The following KANSL1 variants were observed in gnomAD, a reference collection of about 807,000 sequenced individuals.
KANSL1 encodes MLL1/MLL complex subunit KANSL1.
KANSL1 carries 22 observed loss-of-function variants against 103.6 expected under a neutral mutation model. The ratio of observed to expected loss-of-function variants is 0.21; its 90% CI spans 0.15 to 0.30. The LOEUF (loss-of-function observed/expected upper bound fraction) is 0.30. Ranked by LOEUF, KANSL1 falls within the 10% of genes least tolerant of loss-of-function variation. The probability of loss-of-function intolerance (pLI) is 1.00; values close to 1 mark genes in which losing one functional copy is unlikely to be tolerated. For missense variants in KANSL1, 1,337 were observed against 1,399.8 expected (o/e 0.96, Z 0.72); for synonymous variants, 600 against 527.6 (o/e 1.14, Z -1.88).
rs189789192 is a variant in KANSL1 at position 46,192,403 on chromosome 17, G to C, written c.-90+420C>G. The C allele has an allele frequency of 2.6e-5, 4 of 152,534 alleles. No homozygotes were observed. The highest frequency in any genetic ancestry group is 6.5e-5 in the Admixed American group (1 of 15,298). The allele number at this position is 152,534 out of a possible 1,614,324, so 9.4% of individuals were successfully genotyped here. On this transcript the variant is annotated intron_variant, in intron 1 of 14. Transcript: ENST00000432791. ...ACAAAAATAATAAATGAAACAATCA[G>C]AGTTGTGATACAAACCGTGCAACGC...
intron 1 of KANSL1, among the ~76,000 whole-genome samples, chr17:46,183,135 G>GA (rs1190020904): frequency 5.3e-5 from 8 of 152,346 alleles, no homozygotes; most frequent in Admixed American, 3.3e-4. Context: ...GAAACCTAAA[G>GA]AATGAGTAGG....
At chr17:46,035,152 AC>A (rs2077111926) in intron 10 of KANSL1, 1 of 152,182 alleles carries the variant, frequency 6.6e-6, no homozygotes, top group African/African-American at 2.4e-5. Flanking sequence ...GATAGTTAAT[AC>A]CCTATCCTGA....
In KANSL1 at chr17:46,052,175, A is replaced by T. The variant is rs2077733599; in HGVS notation, c.1849-1471T>A. Among the ~76,000 whole-genome samples the T allele has an allele frequency of 2.0e-5, 3 of 152,142 alleles. No individual in the cohort carries two copies. In the South Asian group the frequency reaches 6.2e-4, roughly 32 times the overall value. ...GGAGGATTTAGGAAAATTGGTTAGG[A>T]TCCAAAAATTACACTGAAACTTTCA... On this transcript the variant is annotated intron_variant, in intron 6 of 14. Transcript: ENST00000432791.
At chr17:46,157,992 A>G (rs2045521596) in intron 2 of KANSL1, among the ~76,000 whole-genome samples, 1 of 152,280 alleles carries the variant, frequency 6.6e-6, no homozygotes, top group Non-Finnish European at 1.5e-5. Context: ...AATTCAGCTA[A>G]AAACTCTCAA....
chr17:46,158,414 G>A (rs906395093), intron 2 of KANSL1, among the ~76,000 whole-genome samples: 4 of 151,152 alleles, frequency 2.6e-5, no homozygotes, highest in Non-Finnish European at 4.4e-5. Context: ...GCTGGAGTGC[G>A]GTGGCACGAT....
At chr17:46,211,401 T>G (rs935117297) in intron 1 of KANSL1, among the ~76,000 whole-genome samples, 2 of 152,098 alleles carry the variant, frequency 1.3e-5, no homozygotes, top group East Asian at 3.9e-4. Flanking sequence ...AAAAAGAAAA[T>G]CTTAAAAAAA....
Position 46,207,633 on chromosome 17 carries a change from A to G in KANSL1, c.-90+16038T>C, listed in dbSNP as rs188599025. ...TAAAATTAAAATGTGCAGAGAATTT[A>G]AATAGACATTTCTCCAAAGAAGATA... On this transcript the variant is annotated intron_variant, in intron 1 of 14. Coordinates refer to the KANSL1 transcript ENST00000572904. Among the ~76,000 whole-genome samples the G allele has an allele frequency of 9.2e-5, 14 of 152,380 alleles. No individual in the cohort carries two copies. In the East Asian group the frequency reaches 2.7e-3, roughly 29 times the overall value.
At chr17:46,137,052 G>A (rs2044182190) in intron 2 of KANSL1, among the ~76,000 whole-genome samples, 1 of 152,136 alleles carries the variant, frequency 6.6e-6, no homozygotes, top group Admixed American at 6.5e-5. Flanking sequence ...TGAGTGTAGG[G>A]CACAGCTGGA....
chr17:46,052,640 C>T (rs1427466929), intron 6 of KANSL1, among the ~76,000 whole-genome samples: 4 of 147,078 alleles, frequency 2.7e-5, no homozygotes, highest in African/African-American at 9.8e-5. Flanking sequence ...AAAACAACAA[C>T]AATAAAAAAA....
At chr17:46,154,314 C>A (rs1364569269) in intron 2 of KANSL1, among the ~76,000 whole-genome samples, 10 of 152,222 alleles carry the variant, frequency 6.6e-5, no homozygotes, top group Non-Finnish European at 1.0e-4. Flanking sequence ...GATATTCCCC[C>A]CTCAGGGTTG....
intron 6 of KANSL1, among the ~76,000 whole-genome samples, chr17:46,063,120 A>G (rs1200184660): frequency 1.3e-5 from 2 of 152,228 alleles, no homozygotes; most frequent in Non-Finnish European, 2.9e-5. Context: ...TCTGGAATGC[A>G]GTAGAGATCA....
chr17:46,210,561 G>A (rs1353868215), intron 1 of KANSL1, among the ~76,000 whole-genome samples: 1 of 151,222 alleles, frequency 6.6e-6, no homozygotes, highest in Non-Finnish European at 1.5e-5. Flanking sequence ...CTGAGACACA[G>A]AAAATTATAG....
At chr17:46,206,315 C>A (rs2047968552) in intron 1 of KANSL1, among the ~76,000 whole-genome samples, 1 of 152,186 alleles carries the variant, frequency 6.6e-6, no homozygotes, top group South Asian at 2.1e-4. Context: ...GTGGTAGTGG[C>A]ATAAGGATAA....
At chr17:46,135,393 G>A (rs1443971688) in intron 2 of KANSL1, among the ~76,000 whole-genome samples, 1 of 130,216 alleles carries the variant, frequency 7.7e-6, no homozygotes, top group African/African-American at 2.5e-5. Flanking sequence ...ATGGAAGGTT[G>A]GCAAACACAA....
intron 4 of KANSL1, among the ~76,000 whole-genome samples, chr17:46,071,033 T>C (rs918379737): frequency 6.6e-6 from 1 of 152,214 alleles, no homozygotes; most frequent in Non-Finnish European, 1.5e-5. Context: ...ACGATCCATA[T>C]AGCTAACTAC....
At chr17:46,111,531 C>T (rs957336077) in intron 2 of KANSL1, among the ~76,000 whole-genome samples, 2 of 152,160 alleles carry the variant, frequency 1.3e-5, no homozygotes, top group Non-Finnish European at 2.9e-5. Flanking sequence ...TTAAGGAAGA[C>T]TCTGCCCAAC....
chr17:46,120,293 T>C (rs944448378), intron 2 of KANSL1, among the ~76,000 whole-genome samples: 1 of 152,238 alleles, frequency 6.6e-6, no homozygotes, highest in Non-Finnish European at 1.5e-5. Flanking sequence ...TCAGGTTATC[T>C]GGCAGCTCCT....
At chr17:46,167,030 C>A (rs1407494533) in intron 2 of KANSL1, among the ~76,000 whole-genome samples, 4 of 145,894 alleles carry the variant, frequency 2.7e-5, no homozygotes, top group South Asian at 2.1e-4. Context: ...AAAAAAATTT[C>A]GGGGACAGAG....
chr17:46,142,884 T>G (rs2044496843), intron 2 of KANSL1, among the ~76,000 whole-genome samples: 1 of 152,188 alleles, frequency 6.6e-6, no homozygotes, highest in African/African-American at 2.4e-5. Flanking sequence ...TATTCTTAGA[T>G]TCATACAATA....
Sources: gnomAD v4.1 joint callset for allele counts (sites outside exome capture counted in the v4.1 genomes callset) on GRCh38, gnomAD v4.1.1 for gene constraint, MANE v1.5 for transcripts, NCBI Gene and HGNC (gene_info 2026-07-23, HGNC 2026-07-21) for gene names.